The following DOCK1 variants were observed in gnomAD, a reference collection of about 807,000 sequenced individuals.
The protein encoded by DOCK1 is dedicator of cytokinesis 1.
A neutral mutation model predicts 262.7 loss-of-function variants in DOCK1; 138 were observed. The ratio of observed to expected loss-of-function variants is 0.53; its 90% confidence interval spans 0.46 to 0.61. The LOEUF (loss-of-function observed/expected upper bound fraction) is 0.61. Ranked by LOEUF, DOCK1 falls within the 20% of genes least tolerant of loss-of-function variation. The pLI is 0.00. For missense variants in DOCK1, 1,908 were observed against 2,370.7 expected (o/e 0.80, Z 4.05); for synonymous variants, 866 against 867.4 (o/e 1.00, Z 0.03).
Position 127,305,119 on chromosome 10 carries a change from A to AT in DOCK1, c.3045-33879dup, listed in dbSNP as rs60542053. Among the ~76,000 whole-genome samples the AT allele has an allele frequency of 3.0e-3, 463 of 151,826 alleles. 4 individuals carry two copies. The highest frequency in any genetic ancestry group is 0.011 in the African/African-American group (442 of 41,410). On this transcript the variant is annotated intron_variant, in intron 29 of 51. Coordinates refer to ENST00000623213, the MANE Select transcript of DOCK1 (RefSeq NM_001290223.2). The stretch of plus-strand genomic sequence containing the variant: ...GTCTCACCCCAGTCTAATTTTGCAT[A>AT]TTTTTTTTAGCTCTTTACCTTTATT...
In DOCK1 at chr10:127,451,377, C is replaced by T; in HGVS notation, c.5611C>T (p.Pro1871Ser). 1.9e-6 allele frequency: 3 copies of T among 1,600,468 alleles called. No individual in the cohort carries two copies. The highest frequency in any genetic ancestry group is 1.7e-6 in the Non-Finnish European group (2 of 1,173,688). The change falls in exon 52 of 52, where the codon CCA becomes TCA. Residue 1871 changes from proline to serine, a missense_variant. Transcript: ENST00000623213. ...CAGCAAAACTCCGCCTCCTCCCCCT[C>T]CAAAGACAACTCGCAAGCAGGCATC... ...LPSKTPPPPP[P>S]KTTRKQASVD...
intron 46 of DOCK1, among the ~76,000 whole-genome samples, chr10:127,421,567 T>C (rs2134500582): frequency 6.6e-6 from 1 of 152,274 alleles, no homozygotes; most frequent in East Asian, 1.9e-4. Context: ...CCACCATCCA[T>C]CTCCAGAGCC....
intron 27 of DOCK1, among the ~76,000 whole-genome samples, chr10:127,195,466 A>G (rs1462018990): frequency 6.6e-6 from 1 of 151,690 alleles, no homozygotes; most frequent in Non-Finnish European, 1.5e-5. Context: ...ATCTGCCTTC[A>G]CTGCTGCTCG....
At chr10:127,068,858 C>G (rs553293466) in intron 23 of DOCK1, among the ~76,000 whole-genome samples, 57 of 152,220 alleles carry the variant, frequency 3.7e-4, no homozygotes, top group African/African-American at 1.1e-3. Flanking sequence ...TACCTGTGTC[C>G]TTCAGTATTT....
chr10:127,427,326 G>C (rs1196106455), intron 47 of DOCK1, among the ~76,000 whole-genome samples: 1 of 152,148 alleles, frequency 6.6e-6, no homozygotes, highest in Non-Finnish European at 1.5e-5. Context: ...TGCCATTTTG[G>C]TTTTTTTCTG....
At chr10:127,096,800 G>A (rs2136147177) in intron 23 of DOCK1, among the ~76,000 whole-genome samples, 1 of 151,998 alleles carries the variant, frequency 6.6e-6, no homozygotes, top group African/African-American at 2.4e-5. Flanking sequence ...CATTTGCTTA[G>A]AGACGAGTAT....
At chr10:127,285,915 C>A (rs1186091143) in intron 29 of DOCK1, among the ~76,000 whole-genome samples, 1 of 152,210 alleles carries the variant, frequency 6.6e-6, no homozygotes, top group East Asian at 1.9e-4. Context: ...GTGAACTGAT[C>A]TGATATCATT....
intron 27 of DOCK1, among the ~76,000 whole-genome samples, chr10:127,223,977 C>G (rs1443105389): frequency 6.6e-6 from 1 of 152,152 alleles, no homozygotes; most frequent in African/African-American, 2.4e-5. Context: ...TAAGCCCTTT[C>G]TGCCATGATA....
At chr10:127,115,015 A>G (rs2049095510) in intron 25 of DOCK1, among the ~76,000 whole-genome samples, 1 of 152,084 alleles carries the variant, frequency 6.6e-6, no homozygotes, top group Admixed American at 6.5e-5. Context: ...TCAGCCTCCC[A>G]TAGTGCTGGG....
At chr10:127,346,503 G>A (rs1279268194) in intron 31 of DOCK1, among the ~76,000 whole-genome samples, 1 of 152,146 alleles carries the variant, frequency 6.6e-6, no homozygotes, top group Non-Finnish European at 1.5e-5. Context: ...GGCTGAAGTG[G>A]GAGGATTTCT....
chr10:127,294,891 C>T (rs1441705318), intron 29 of DOCK1, among the ~76,000 whole-genome samples: 2 of 152,116 alleles, frequency 1.3e-5, no homozygotes, highest in Non-Finnish European at 2.9e-5. Flanking sequence ...ATCCGCCCGC[C>T]TCAGTCTCCC....
intron 22 of DOCK1, among the ~76,000 whole-genome samples, chr10:127,053,750 G>A (rs966461892): frequency 6.6e-6 from 1 of 152,196 alleles, no homozygotes; most frequent in Non-Finnish European, 1.5e-5. Flanking sequence ...TATAGATACA[G>A]ATGCAGGTTA....
intron 40 of DOCK1, among the ~76,000 whole-genome samples, chr10:127,407,110 G>C (rs1210567694): frequency 2.6e-5 from 4 of 151,966 alleles, no homozygotes; most frequent in African/African-American, 7.3e-5. Context: ...AAGTGAAAAA[G>C]AATTCAATTC....
At chr10:127,193,730 CTTAT>C (rs1479397772) in intron 27 of DOCK1, among the ~76,000 whole-genome samples, 2 of 152,158 alleles carry the variant, frequency 1.3e-5, no homozygotes, top group African/African-American at 4.8e-5. Flanking sequence ...AAGTCTTTCT[CTTAT>C]TTATTGATTT....
At chr10:126,936,776 A>G (rs1246740842) in intron 1 of DOCK1, among the ~76,000 whole-genome samples, 1 of 152,184 alleles carries the variant, frequency 6.6e-6, no homozygotes, top group Non-Finnish European at 1.5e-5. Flanking sequence ...TTTATTTTAT[A>G]AAATTGTGGC....
intron 23 of DOCK1, among the ~76,000 whole-genome samples, chr10:127,077,965 T>C (rs2046667610): frequency 6.6e-6 from 1 of 151,918 alleles, no homozygotes; most frequent in African/African-American, 2.4e-5. Flanking sequence ...TGGGTTGTTC[T>C]CTTGGGAGCC....
At position 127,418,469 on chromosome 10, in the gene DOCK1, C is replaced by T. The variant is rs745511524; in HGVS notation, c.4620C>T (p.Ile1540=). 9.3e-6 allele frequency: 15 copies of T among 1,614,018 alleles called. No homozygotes were observed. The African/African-American group carries it at 1.5e-4, about 16-fold the overall frequency. ...ACCTGGATGACCCCAGCCTGCCCAT[C>T]AACCCGCTCTCCATGCTCCTGAACG... ...QQHLDDPSLP[I]NPLSMLLNGI... The change falls in exon 45 of 52, where the codon ATC becomes ATT. Residue 1540 remains isoleucine, a synonymous_variant. Coordinates refer to ENST00000623213, the MANE Select transcript of DOCK1 (RefSeq NM_001290223.2).
At chr10:127,304,837 A>T (rs1232107215) in intron 29 of DOCK1, among the ~76,000 whole-genome samples, 1 of 152,182 alleles carries the variant, frequency 6.6e-6, no homozygotes, top group East Asian at 1.9e-4. Context: ...AGCCATGATC[A>T]TACCACTGCA....
chr10:126,920,885 A>G (rs1033411820), intron 1 of DOCK1, among the ~76,000 whole-genome samples: 2 of 152,060 alleles, frequency 1.3e-5, no homozygotes, highest in African/African-American at 4.8e-5. Flanking sequence ...CTCCACTCCC[A>G]CTGCTTCACT....
Sources: allele counts gnomAD v4.1 joint callset (sites outside exome capture counted in the v4.1 genomes callset), GRCh38; gene constraint gnomAD v4.1.1; transcripts MANE v1.5; gene names NCBI Gene and HGNC (gene_info 2026-07-23, HGNC 2026-07-21).